Variants in PGLYRP3 observed in about 807,000 individuals in gnomAD.
PGLYRP3 encodes peptidoglycan recognition protein 3, also known as peptidoglycan recognition protein I alpha.
A neutral mutation model predicts 36.0 loss-of-function variants in PGLYRP3; 39 were observed. That is an observed-to-expected ratio of 1.08 (90% CI 0.84 to 1.41). The LOEUF (loss-of-function observed/expected upper bound fraction) is 1.41. PGLYRP3 is among the 40% of genes most tolerant of loss of function. The probability of loss-of-function intolerance (pLI) is 0.00; values close to 1 mark genes in which losing one functional copy is unlikely to be tolerated. For missense variants in PGLYRP3, 407 were observed against 427.9 expected (o/e 0.95, Z 0.43); for synonymous variants, 204 against 172.8 (o/e 1.18, Z -1.42).
In PGLYRP3 at chr1:153,303,943, C is replaced by T. The variant is rs773891416; in HGVS notation, c.443G>A (p.Gly148Asp). 2 of 1,613,994 alleles carry T rather than the reference C, an allele frequency of 1.2e-6. No homozygotes were observed. The highest frequency in any genetic ancestry group is 2.2e-5 in the South Asian group (2 of 91,050). ...CTGAATATACCTGGGCGACAGGTGA[C>T]CCTTCTGGATGGCATAGGAGATCAG... ...EGLISYAIQK[G>D]HLSPRYIQPL... Residue 148 changes from glycine to aspartate, a missense_variant, in exon 5 of 8, where the codon GGT becomes GAT. Coordinates refer to ENST00000683862, the MANE Select transcript of PGLYRP3 (RefSeq NM_052891.3).
intron 5 of PGLYRP3, among the ~76,000 whole-genome samples, chr1:153,303,559 C>T (rs1571103146): frequency 6.6e-6 from 1 of 152,194 alleles, no homozygotes; most frequent in African/African-American, 2.4e-5. Flanking sequence ...TTGTTCACAG[C>T]TGTATGCTCA....
At chr1:153,310,889 T>A (rs1284631848) in intron 1 of PGLYRP3, among the ~76,000 whole-genome samples, 183 bp from the exon 2 acceptor site, 1 of 152,128 alleles carries the variant, frequency 6.6e-6, no homozygotes, top group Non-Finnish European at 1.5e-5. Flanking sequence ...AGGGCACTAA[T>A]GGCTATGTCT....
At chr1:153,309,955 C>T (rs983762224) in intron 2 of PGLYRP3, among the ~76,000 whole-genome samples, 1 of 152,222 alleles carries the variant, frequency 6.6e-6, no homozygotes, top group African/African-American at 2.4e-5. Context: ...AATTTGCTGT[C>T]TGAGTAGCAG....
At chr1:153,310,771 T>C (rs1055664875) in intron 1 of PGLYRP3, 65 bp from the exon 2 acceptor site, 9 of 1,007,130 alleles carry the variant, frequency 8.9e-6, no homozygotes, top group Non-Finnish European at 1.2e-5. Context: ...CCACCTACTA[T>C]GTGGCACCAC....
intron 7 of PGLYRP3, 76 bp downstream of exon 7, chr1:153,299,037 T>G: frequency 1.6e-6 from 2 of 1,259,446 alleles, no homozygotes; most frequent in South Asian, 1.2e-5. Context: ...AGGGCTGCCT[T>G]TCCCGCCATG....
chr1:153,309,432 A>G (rs1322654405), intron 2 of PGLYRP3, among the ~76,000 whole-genome samples: 3 of 152,226 alleles, frequency 2.0e-5, no homozygotes, highest in African/African-American at 7.2e-5. Flanking sequence ...TGTTCATAAC[A>G]ACTGTACTCT....
intron 6 of PGLYRP3, among the ~76,000 whole-genome samples, chr1:153,300,264 C>T (rs1271026307): frequency 6.6e-6 from 1 of 152,172 alleles, no homozygotes; most frequent in Admixed American, 6.5e-5. Flanking sequence ...CCTGAATAAA[C>T]CCCACTGCTT....
At position 153,304,944 on chromosome 1, in the gene PGLYRP3, T is replaced by C; in HGVS notation, c.376+3A>G. The C allele has an allele frequency of 6.2e-7, 1 of 1,612,038 alleles. No individual in the cohort carries two copies. Among genetic ancestry groups the C allele is most frequent in the East Asian group, 2.2e-5 (1 of 44,842 alleles). On this transcript the variant is annotated splice_donor_region_variant and intron_variant, in intron 4 of 7. Coordinates refer to ENST00000683862, the MANE Select transcript of PGLYRP3 (RefSeq NM_052891.3). ...CACAGGGTCCGCAGGGAGTGACCCT[T>C]ACCTATCTTATTGCCAAAGAAGGCG...
chr1:153,307,385 C>A, intron 2 of PGLYRP3, 118 bp from the exon 3 acceptor site: 1 of 962,468 alleles, frequency 1.0e-6, no homozygotes, highest in Non-Finnish European at 1.6e-6. Context: ...ATGGGAGACA[C>A]CCTGGGGGAG....
chr1:153,310,961 G>T (rs774573325), intron 1 of PGLYRP3, among the ~76,000 whole-genome samples: 1 of 152,170 alleles, frequency 6.6e-6, no homozygotes, highest in African/African-American at 2.4e-5. Context: ...TCATAGAAGC[G>T]CAGTGCCTGA....
rs201396205 is a variant in PGLYRP3, at chr1:153,310,685, C to G, written c.-20G>C. 5 of 1,612,948 alleles carry G rather than the reference C, an allele frequency of 3.1e-6. No individual in the cohort carries two copies. The highest frequency in any genetic ancestry group is 1.1e-5 in the South Asian group (1 of 91,032). On this transcript the variant is annotated 5_prime_UTR_variant, in exon 2 of 8. Transcript: ENST00000683862. Reference sequence around the variant, plus strand: ...CCCCATGTGGTCCCAGGACTCTGACCGGGAGAGTGTGGACGGCAGCCCTGG... The same window carrying G: ...CCCCATGTGGTCCCAGGACTCTGACGGGGAGAGTGTGGACGGCAGCCCTGG...
In PGLYRP3 at chr1:153,307,230, T is replaced by C; in HGVS notation, c.93A>G (p.Ala31=). ...GCAGGGCCCTGCAGGCGAGCGGTCT[T>C]GCCCCCCACTCCTTGCGGGAGACGA... is the stretch of plus-strand genomic sequence containing the variant. ...PTIVSRKEWG[A]RPLACRALLT... The change falls in exon 3 of 8, where the codon GCA becomes GCG. Residue 31 remains alanine (A), a synonymous_variant. Coordinates refer to ENST00000683862, the MANE Select transcript of PGLYRP3 (RefSeq NM_052891.3). The C allele has an allele frequency of 6.2e-7, 1 of 1,610,032 alleles. No individual in the cohort carries two copies. The highest frequency in any genetic ancestry group is 8.5e-7 in the Non-Finnish European group (1 of 1,178,422).
chr1:153,312,058 A>G (rs944101202), intron 1 of PGLYRP3, among the ~76,000 whole-genome samples: 1 of 152,220 alleles, frequency 6.6e-6, no homozygotes, highest in Non-Finnish European at 1.5e-5. Context: ...GGAAGCCACT[A>G]TCAATTCTGG....
At chr1:153,309,307 G>T (rs996164193) in intron 2 of PGLYRP3, among the ~76,000 whole-genome samples, 3 of 152,230 alleles carry the variant, frequency 2.0e-5, no homozygotes, top group African/African-American at 7.2e-5. Flanking sequence ...AAGCAACTAT[G>T]CTGTCTATAG....
chr1:153,304,936 G>T lies in PGLYRP3; in HGVS notation c.376+11C>A, dbSNP rs375834816. ...CTCTCCAGCACAGGGTCCGCAGGGAGTGACCCTTACCTATCTTATTGCCAA... is the reference window on the plus strand; with the variant it reads ...CTCTCCAGCACAGGGTCCGCAGGGATTGACCCTTACCTATCTTATTGCCAA... On this transcript the variant is annotated intron_variant, in intron 4 of 7. Transcript: ENST00000683862. The T allele has an allele frequency of 2.5e-6, 4 of 1,601,656 alleles. No homozygotes were observed. The African/African-American group carries it at 5.4e-5, about 21-fold the overall frequency.
At chr1:153,306,108 C>T (rs1659733056) in intron 3 of PGLYRP3, among the ~76,000 whole-genome samples, 1 of 152,170 alleles carries the variant, frequency 6.6e-6, no homozygotes, top group African/African-American at 2.4e-5. Context: ...CATGACATGC[C>T]CCATGGGCAG....
At chr1:153,302,740 A>G in intron 5 of PGLYRP3, 133 bp from the exon 6 acceptor site, 1 of 837,912 alleles carries the variant, frequency 1.2e-6, no homozygotes, top group Non-Finnish European at 1.9e-6. Context: ...CTAATGTAAT[A>G]TCAGCTTTGG....
chr1:153,310,534 G>T, intron 2 of PGLYRP3, 77 bp downstream of exon 2: 1 of 1,449,532 alleles, frequency 6.9e-7, no homozygotes, highest in Non-Finnish European at 9.7e-7. Context: ...CACTCGGATG[G>T]GTTTCTATTA....
intron 1 of PGLYRP3, among the ~76,000 whole-genome samples, chr1:153,311,047 T>G (rs821421): frequency 0.85 from 128,752 of 152,040 alleles, 54,546 homozygotes; most frequent in Middle Eastern, 0.87. Context: ...CACTGTGTAT[T>G]TATTTTCATA....
Sources: allele counts gnomAD v4.1 joint callset (sites outside exome capture counted in the v4.1 genomes callset), GRCh38; gene constraint gnomAD v4.1.1; transcripts MANE v1.5; gene names NCBI Gene and HGNC (gene_info 2026-07-23, HGNC 2026-07-21).